Variants in ST3GAL3 observed in about 807,000 individuals in gnomAD.
The protein encoded by ST3GAL3 is ST3 beta-galactoside alpha-2,3-sialyltransferase 3.
ST3GAL3 carries 21 observed loss-of-function variants against 50.1 expected under a neutral mutation model. The observed-to-expected ratio is 0.42, with a 90% CI of 0.30 to 0.60. The LOEUF (loss-of-function observed/expected upper bound fraction) is 0.60. Among genes scored for constraint, ST3GAL3 ranks in the 20% least tolerant of loss-of-function variants. The probability of loss-of-function intolerance (pLI) is 0.19; values close to 1 mark genes in which losing one functional copy is unlikely to be tolerated. For missense variants in ST3GAL3, 353 were observed against 489.4 expected (o/e 0.72, Z 2.63); for synonymous variants, 183 against 190.0 (o/e 0.96, Z 0.30).
intron 11 of ST3GAL3, among the ~76,000 whole-genome samples, chr1:43,923,127 G>T (rs926485598): frequency 3.3e-5 from 5 of 151,944 alleles, no homozygotes; most frequent in Non-Finnish European, 7.4e-5. Flanking sequence ...TTGTCTGGGA[G>T]CGCTGGTGTG....
At chr1:43,789,301 CAGAA>C (rs1034560425) in intron 2 of ST3GAL3, among the ~76,000 whole-genome samples, 1 of 152,110 alleles carries the variant, frequency 6.6e-6, no homozygotes, top group African/African-American at 2.4e-5. Context: ...AATCTATAGA[CAGAA>C]AGTAACTTGG....
intron 2 of ST3GAL3, among the ~76,000 whole-genome samples, chr1:43,763,389 T>G (rs566887439): frequency 6.6e-6 from 1 of 152,276 alleles, no homozygotes; most frequent in African/African-American, 2.4e-5. Context: ...ACTGGGTTCT[T>G]GGGTTTGTTT....
At chr1:43,806,313 G>A (rs1278192199) in intron 3 of ST3GAL3, among the ~76,000 whole-genome samples, 1 of 152,170 alleles carries the variant, frequency 6.6e-6, no homozygotes, top group Admixed American at 6.5e-5. Flanking sequence ...AATGTCACCT[G>A]CAGTAGCTCT....
At position 43,804,567 on chromosome 1, in the gene ST3GAL3, G is replaced by A. The variant is rs1573194538; in HGVS notation, c.167-10324G>A. ...CTTTGTGGAGAGGGTTAAATTTCAG[G>A]CCTTTATACATGATGGGAGGGAACT... On this transcript the variant is annotated intron_variant, in intron 3 of 11. Coordinates refer to ENST00000347631, the MANE Select transcript of ST3GAL3 (RefSeq NM_006279.5). Among the ~76,000 whole-genome samples, 4 of 152,132 alleles carry A rather than the reference G, an allele frequency of 2.6e-5. No homozygotes were observed. In the South Asian group the frequency reaches 6.2e-4, roughly 24 times the overall value.
intron 11 of ST3GAL3, chr1:43,921,560 C>T (rs2083043892): frequency 5.0e-6 from 2 of 399,582 alleles, no homozygotes; most frequent in Non-Finnish European, 8.8e-6. Flanking sequence ...GCCAGTTCTT[C>T]AACAGCTTCT....
intron 5 of ST3GAL3, chr1:43,841,895 A>G (rs1327607495): frequency 6.6e-6 from 1 of 152,180 alleles, no homozygotes; most frequent in Admixed American, 6.5e-5. Flanking sequence ...TAAGTCATTT[A>G]CTTGCACCTG....
chr1:43,799,933 A>G (rs772031115), intron 3 of ST3GAL3, among the ~76,000 whole-genome samples: 4 of 152,054 alleles, frequency 2.6e-5, no homozygotes, highest in Admixed American at 1.3e-4. Flanking sequence ...TCAGCCCTAG[A>G]TATCTGCTAT....
intron 4 of ST3GAL3, among the ~76,000 whole-genome samples, chr1:43,833,932 T>TC (rs2063896913): frequency 6.6e-6 from 1 of 152,086 alleles, no homozygotes; most frequent in African/African-American, 2.4e-5. Flanking sequence ...CTAGATCCTT[T>TC]CCCCCTCCGC....
At chr1:43,728,881 A>G (rs1674299920) in intron 1 of ST3GAL3, among the ~76,000 whole-genome samples, 2 of 152,156 alleles carry the variant, frequency 1.3e-5, no homozygotes, top group African/African-American at 4.8e-5. Context: ...ACACACACAT[A>G]TATATTTCTG....
chr1:43,867,021 T>G (rs925865949), intron 5 of ST3GAL3, among the ~76,000 whole-genome samples: 5 of 152,154 alleles, frequency 3.3e-5, no homozygotes, highest in African/African-American at 1.2e-4. Context: ...TCGCAGCTAC[T>G]TGGGACGCTT....
chr1:43,860,425 A>G (rs1284674902), intron 5 of ST3GAL3, among the ~76,000 whole-genome samples: 3 of 152,226 alleles, frequency 2.0e-5, no homozygotes, highest in Non-Finnish European at 4.4e-5. Flanking sequence ...TAACTCTCAT[A>G]GAGATGCATT....
intron 1 of ST3GAL3, among the ~76,000 whole-genome samples, chr1:43,725,932 A>T (rs1021521191): frequency 5.3e-5 from 8 of 152,226 alleles, no homozygotes; most frequent in African/African-American, 1.9e-4. Flanking sequence ...GGCGTGAGCC[A>T]TCGCACCCAG....
chr1:43,767,991 G>C (rs6656457), intron 2 of ST3GAL3, among the ~76,000 whole-genome samples: 53,869 of 151,674 alleles, frequency 0.36, 10,464 homozygotes, highest in African/African-American at 0.52. Flanking sequence ...AGAAAATGTA[G>C]AGCACATTAA....
At chr1:43,927,338 C>A (rs2084178770) in intron 11 of ST3GAL3, among the ~76,000 whole-genome samples, 1 of 152,090 alleles carries the variant, frequency 6.6e-6, no homozygotes, top group Admixed American at 6.6e-5. Context: ...AAACAAAAAC[C>A]AAACCAAAAC....
chr1:43,918,119 C>CT (rs573834844), intron 9 of ST3GAL3, among the ~76,000 whole-genome samples: 18 of 133,902 alleles, frequency 1.3e-4, no homozygotes, highest in African/African-American at 3.8e-4. Flanking sequence ...TTTTCTTTCT[C>CT]TTTTTTTTTT....
intron 1 of ST3GAL3, among the ~76,000 whole-genome samples, chr1:43,735,596 C>T (rs1678063396): frequency 6.6e-6 from 1 of 152,204 alleles, no homozygotes; most frequent in Non-Finnish European, 1.5e-5. Flanking sequence ...GATTCTTCTC[C>T]AGGGCCTCCA....
chr1:43,805,676 CTG>C (rs1294373814), intron 3 of ST3GAL3, among the ~76,000 whole-genome samples: 2 of 152,210 alleles, frequency 1.3e-5, no homozygotes, highest in Admixed American at 6.5e-5. Context: ...AGAAAGTACA[CTG>C]TGGCACAGGA....
intron 4 of ST3GAL3, among the ~76,000 whole-genome samples, chr1:43,835,656 G>A (rs2064210203): frequency 6.6e-6 from 1 of 152,092 alleles, no homozygotes; most frequent in Admixed American, 6.5e-5. Context: ...AAAGTTGATG[G>A]GGTAAACTAG....
At chr1:43,726,045 A>G (rs993407792) in intron 1 of ST3GAL3, among the ~76,000 whole-genome samples, 34 of 151,778 alleles carry the variant, frequency 2.2e-4, no homozygotes, top group African/African-American at 7.3e-4. Context: ...TGGCTGCATA[A>G]ACTCTCATTT....
Sources: allele counts gnomAD v4.1 joint callset (sites outside exome capture counted in the v4.1 genomes callset), GRCh38; gene constraint gnomAD v4.1.1; transcripts MANE v1.5; gene names NCBI Gene and HGNC (gene_info 2026-07-23, HGNC 2026-07-21).